SCMH1: variants seen among roughly 807,000 people sequenced by gnomAD.
SCMH1 encodes the protein Scm polycomb group protein homolog 1, also known as polycomb protein SCMH1.
SCMH1 carries 37 observed loss-of-function variants against 70.8 expected under a neutral mutation model. That is an observed-to-expected ratio of 0.52 (90% CI 0.40 to 0.69). The LOEUF (loss-of-function observed/expected upper bound fraction) is 0.69. Among genes scored for constraint, SCMH1 ranks in the 30% least tolerant of loss-of-function variants. The probability of loss-of-function intolerance (pLI) is 0.00; values close to 1 mark genes in which losing one functional copy is unlikely to be tolerated. For missense variants in SCMH1, 607 were observed against 827.3 expected, an observed-to-expected ratio of 0.73 and a Z score of 3.27; for synonymous variants, 292 against 307.4, an observed-to-expected ratio of 0.95 and a Z score of 0.52.
chr1:41,189,106 G>A (rs1403543094), intron 1 of SCMH1, among the ~76,000 whole-genome samples: 2 of 152,174 alleles, frequency 1.3e-5, no homozygotes, highest in Non-Finnish European at 2.9e-5. Flanking sequence ...TCTGTGATGT[G>A]CCACTGATCA....
At chr1:41,179,953 C>CA (rs1254126472) in intron 2 of SCMH1, among the ~76,000 whole-genome samples, 1 of 152,094 alleles carries the variant, frequency 6.6e-6, no homozygotes, top group Non-Finnish European at 1.5e-5. Flanking sequence ...AACATTGATG[C>CA]AAAAATCCTC....
chr1:41,223,596 T>C (rs533454197), intron 1 of SCMH1, among the ~76,000 whole-genome samples: 2 of 152,276 alleles, frequency 1.3e-5, no homozygotes, highest in Admixed American at 6.5e-5. Context: ...TATCTTTCAA[T>C]GTATCGTAAA....
At chr1:41,132,199 T>C (rs1486113404) in intron 6 of SCMH1, among the ~76,000 whole-genome samples, 2 of 152,152 alleles carry the variant, frequency 1.3e-5, no homozygotes, top group Non-Finnish European at 2.9e-5. Context: ...CCACATCCTC[T>C]CCAGCATCTA....
At chr1:41,224,822 C>T (rs375744628) in intron 1 of SCMH1, among the ~76,000 whole-genome samples, 15 of 152,114 alleles carry the variant, frequency 9.9e-5, no homozygotes, top group African/African-American at 3.6e-4. Context: ...CACAATTCTG[C>T]AGGGTACATA....
chr1:41,140,415 C>A lies in SCMH1; in HGVS notation c.412+2463G>T, dbSNP rs146607053. ...TCAACTGATTCTCCTGCCTCAGCCT[C>A]CCACGTAGCTGGGACTACAGGCACA... On this transcript the variant is annotated intron_variant, in intron 6 of 14. Transcript: ENST00000337495. 1.0e-3 allele frequency among the ~76,000 whole-genome samples: 158 copies of A among 152,230 alleles called. No individual in the cohort carries two copies. In the East Asian group the frequency reaches 0.015, roughly 14 times the overall value.
intron 2 of SCMH1, among the ~76,000 whole-genome samples, chr1:41,171,774 A>T (rs1397419815): frequency 6.6e-6 from 1 of 152,244 alleles, no homozygotes; most frequent in South Asian, 2.1e-4. Flanking sequence ...AACAAATTAA[A>T]CATGTTTCTG....
At chr1:41,165,453 G>A (rs1327444516) in intron 2 of SCMH1, among the ~76,000 whole-genome samples, 1 of 152,068 alleles carries the variant, frequency 6.6e-6, no homozygotes, top group Non-Finnish European at 1.5e-5. Flanking sequence ...GTATTTTGAG[G>A]AACCTCCATC....
At chr1:41,093,968 C>G (rs147426583) in intron 8 of SCMH1, among the ~76,000 whole-genome samples, 8 of 152,230 alleles carry the variant, frequency 5.3e-5, no homozygotes, top group African/African-American at 1.9e-4. Context: ...ATCTGAATAA[C>G]GAGTTTGTCT....
chr1:41,070,741 A>G lies in SCMH1; in HGVS notation c.979-20T>C, dbSNP rs1301375305. 1.2e-6 allele frequency: 2 copies of G among 1,613,556 alleles called. No homozygotes were observed. The highest frequency in any genetic ancestry group is 2.2e-5 in the East Asian group (1 of 44,860). ...TTTCCTCTGTCAAAATGAATGGGAA[A>G]AAAATTGCTACCCATGACAGGTCTT... On this transcript the variant is annotated intron_variant, in intron 9 of 14. Coordinates refer to ENST00000337495, the Ensembl canonical transcript of SCMH1.
intron 8 of SCMH1, among the ~76,000 whole-genome samples, chr1:41,101,307 A>G (rs1213338883): frequency 3.3e-5 from 5 of 152,206 alleles, no homozygotes; most frequent in Non-Finnish European, 7.3e-5. Flanking sequence ...AACAGCAAAT[A>G]AGCATTTATA....
chr1:41,087,334 T>G (rs1297339399), intron 8 of SCMH1, among the ~76,000 whole-genome samples: 5 of 151,980 alleles, frequency 3.3e-5, no homozygotes, highest in Non-Finnish European at 5.9e-5. Flanking sequence ...ACTATAAAAT[T>G]AAAACTTTTG....
At chr1:41,152,481 G>A in intron 4 of SCMH1, 1 of 1,085,836 alleles carries the variant, frequency 9.2e-7, no homozygotes, top group Non-Finnish European at 1.3e-6. Context: ...ACTGTGCTGG[G>A]GGAAGGGAAA....
chr1:41,125,698 C>T (rs1016438727), intron 6 of SCMH1, among the ~76,000 whole-genome samples: 4 of 151,798 alleles, frequency 2.6e-5, no homozygotes, highest in African/African-American at 9.7e-5. Flanking sequence ...CTCAGTCTCC[C>T]AAGTAGCTGG....
At chr1:41,207,154 T>C (rs940219920) in intron 1 of SCMH1, among the ~76,000 whole-genome samples, 1 of 152,156 alleles carries the variant, frequency 6.6e-6, no homozygotes, top group Non-Finnish European at 1.5e-5. Flanking sequence ...TAACCAGCTA[T>C]CATCATAATG....
At chr1:41,080,870 C>T (rs1445566890) in intron 8 of SCMH1, among the ~76,000 whole-genome samples, 1 of 152,008 alleles carries the variant, frequency 6.6e-6, no homozygotes, top group Non-Finnish European at 1.5e-5. Flanking sequence ...AACAAAATAA[C>T]TACTATCACC....
At chr1:41,102,675 T>G (rs1275974683) in intron 8 of SCMH1, among the ~76,000 whole-genome samples, 1 of 152,224 alleles carries the variant, frequency 6.6e-6, no homozygotes, top group Non-Finnish European at 1.5e-5. Flanking sequence ...AAGCCTCATA[T>G]TACTGAAACT....
intron 9 of SCMH1, among the ~76,000 whole-genome samples, chr1:41,071,084 T>A (rs1656314353): frequency 6.6e-6 from 1 of 152,106 alleles, no homozygotes; most frequent in East Asian, 1.9e-4. Flanking sequence ...TTTATTTCTC[T>A]CTTTAAAAAT....
intron 10 of SCMH1, among the ~76,000 whole-genome samples, chr1:41,060,149 A>C (rs889329114): frequency 1.3e-5 from 2 of 152,124 alleles, no homozygotes; most frequent in Admixed American, 6.5e-5. Flanking sequence ...TCCCCAAATT[A>C]ATGTTACATA....
At chr1:41,040,587 G>A (rs1015138496) in intron 12 of SCMH1, among the ~76,000 whole-genome samples, 8 of 151,548 alleles carry the variant, frequency 5.3e-5, no homozygotes, top group African/African-American at 9.7e-5. Context: ...CATTTTGGCT[G>A]GGCATGGTGG....
Sources: gnomAD v4.1 joint callset for allele counts (sites outside exome capture counted in the v4.1 genomes callset) on GRCh38, gnomAD v4.1.1 for gene constraint, MANE v1.5 for transcripts, NCBI Gene and HGNC (gene_info 2026-07-23, HGNC 2026-07-21) for gene names.